The following LRRC3B variants were observed in gnomAD, a reference collection of about 807,000 sequenced individuals.
The protein encoded by LRRC3B is leucine-rich repeat-containing protein 3B.
In LRRC3B, 2 loss-of-function variants were observed where a neutral mutation model predicts 12.8. The observed-to-expected ratio is 0.16, with a 90% CI of 0.06 to 0.49. The LOEUF is 0.49. LRRC3B is among the 20% of genes least tolerant of loss of function. LRRC3B has a pLI of 0.96. For missense variants in LRRC3B, 189 were observed against 319.4 expected (o/e 0.59, Z 3.11); for synonymous variants, 132 against 122.0 (o/e 1.08, Z -0.54).
At chr3:26,682,279 G>GT (rs1033790502) in intron 1 of LRRC3B, among the ~76,000 whole-genome samples, 15 of 151,730 alleles carry the variant, frequency 9.9e-5, no homozygotes, top group East Asian at 3.9e-4. Context: ...AGCTCCTTTT[G>GT]TTTTTTTTAC....
At chr3:26,668,868 G>C (rs1699662697) in intron 1 of LRRC3B, among the ~76,000 whole-genome samples, 1 of 152,112 alleles carries the variant, frequency 6.6e-6, no homozygotes, top group Admixed American at 6.5e-5. Context: ...CCTTCTATAA[G>C]TCTATTTTTA....
intron 1 of LRRC3B, among the ~76,000 whole-genome samples, chr3:26,648,144 A>T (rs1347986087): frequency 6.6e-6 from 1 of 151,800 alleles, no homozygotes; most frequent in Non-Finnish European, 1.5e-5. Context: ...TATTTATAAC[A>T]TTTTCAGGCT....
At chr3:26,705,237 C>T (rs1056432493) in intron 1 of LRRC3B, among the ~76,000 whole-genome samples, 1 of 152,156 alleles carries the variant, frequency 6.6e-6, no homozygotes, top group Non-Finnish European at 1.5e-5. Flanking sequence ...CCAGAATTAA[C>T]TGCTGATGCG....
At chr3:26,708,099 T>C (rs914894715) in intron 1 of LRRC3B, among the ~76,000 whole-genome samples, 1 of 152,242 alleles carries the variant, frequency 6.6e-6, no homozygotes, top group African/African-American at 2.4e-5. Flanking sequence ...TCCCTTTGTA[T>C]TTATCCATCT....
At chr3:26,634,345 C>T (rs988518339) in intron 1 of LRRC3B, among the ~76,000 whole-genome samples, 2 of 152,226 alleles carry the variant, frequency 1.3e-5, no homozygotes, top group South Asian at 2.1e-4. Flanking sequence ...TACCGCCCTA[C>T]GCATGGTTTA....
chr3:26,697,531 T>C (rs1371861154), intron 1 of LRRC3B, among the ~76,000 whole-genome samples: 1 of 152,204 alleles, frequency 6.6e-6, no homozygotes, highest in African/African-American at 2.4e-5. Flanking sequence ...TCTTTTTCCA[T>C]ACAAGGTAAC....
intron 1 of LRRC3B, among the ~76,000 whole-genome samples, chr3:26,706,312 A>G (rs1700585654): frequency 6.6e-6 from 1 of 152,176 alleles, no homozygotes; most frequent in Non-Finnish European, 1.5e-5. Context: ...CACATATTCA[A>G]ACCACAGCAG....
intron 1 of LRRC3B, among the ~76,000 whole-genome samples, chr3:26,688,730 C>T (rs972471455): frequency 4.6e-5 from 7 of 152,140 alleles, no homozygotes; most frequent in African/African-American, 1.7e-4. Context: ...GTTCCAATCA[C>T]CTCCCACCAG....
chr3:26,706,979 T>G (rs1700606102), intron 1 of LRRC3B, among the ~76,000 whole-genome samples: 1 of 152,200 alleles, frequency 6.6e-6, no homozygotes, highest in Non-Finnish European at 1.5e-5. Flanking sequence ...TGCGAAGCAC[T>G]ATGCTGGGTG....
intron 1 of LRRC3B, among the ~76,000 whole-genome samples, chr3:26,671,011 CTTT>C (rs762788262): frequency 1.0e-5 from 1 of 95,546 alleles, no homozygotes; most frequent in Non-Finnish European, 1.9e-5. Flanking sequence ...TCTCATGTAT[CTTT>C]TTTTTTTTTT....
At chr3:26,639,495 AT>A (rs1472205570) in intron 1 of LRRC3B, among the ~76,000 whole-genome samples, 1 of 97,800 alleles carries the variant, frequency 1.0e-5, no homozygotes, top group East Asian at 5.6e-4. Context: ...TTTAAATTAA[AT>A]TTAAATTAAA....
chr3:26,622,954 C>G (rs1698545302), exon 1 of LRRC3B: 1 of 151,688 alleles, frequency 6.6e-6, no homozygotes, highest in Non-Finnish European at 1.5e-5. Flanking sequence ...GCACGGCCGC[C>G]CGGGGCCGCA....
intron 1 of LRRC3B, among the ~76,000 whole-genome samples, chr3:26,640,757 G>T (rs1699013949): frequency 6.6e-6 from 1 of 152,140 alleles, no homozygotes; most frequent in South Asian, 2.1e-4. Flanking sequence ...TGGCATGCTG[G>T]GTGTAGGAAG....
exon 2 of LRRC3B, chr3:26,709,946 G>C: frequency 1.9e-6 from 3 of 1,614,132 alleles, no homozygotes; most frequent in Non-Finnish European, 1.7e-6. Context: ...TCAACTGAGA[G>C]TTCTCAACCT....
chr3:26,664,981 C>T (rs138780300), intron 1 of LRRC3B, among the ~76,000 whole-genome samples: 205 of 151,564 alleles, frequency 1.4e-3, no homozygotes, highest in South Asian at 6.3e-4. Flanking sequence ...ACATTTTCAG[C>T]ATGTTCCTAG....
chr3:26,672,741 T>G lies in LRRC3B; in HGVS notation c.-160-36772T>G, dbSNP rs73150421. 2.4e-3 allele frequency among the ~76,000 whole-genome samples: 360 copies of G among 152,362 alleles called. 1 individual carries two copies. Among genetic ancestry groups the G allele is most frequent in the African/African-American group, 7.9e-3 (327 of 41,578 alleles). ...CTTAAGATTTTTGGATTCAGTATAT[T>G]TCATCTTTTCCTTTTTTGCCCCATT... On this transcript the variant is annotated intron_variant, in intron 1 of 1. Coordinates refer to ENST00000396641, the Ensembl canonical transcript of LRRC3B.
chr3:26,672,752 C>G (rs1474197714), intron 1 of LRRC3B, among the ~76,000 whole-genome samples: 4 of 152,118 alleles, frequency 2.6e-5, no homozygotes, highest in Non-Finnish European at 4.4e-5. Flanking sequence ...TCATCTTTTC[C>G]TTTTTTGCCC....
At chr3:26,685,368 T>C (rs1575160479) in intron 1 of LRRC3B, among the ~76,000 whole-genome samples, 1 of 151,462 alleles carries the variant, frequency 6.6e-6, no homozygotes, top group East Asian at 2.0e-4. Flanking sequence ...CCCTTCAGTC[T>C]CTGCTTGTCA....
intron 1 of LRRC3B, among the ~76,000 whole-genome samples, chr3:26,686,376 G>T (rs1023002749): frequency 1.3e-5 from 2 of 152,184 alleles, no homozygotes; most frequent in African/African-American, 4.8e-5. Flanking sequence ...ACCGCGCCCG[G>T]CCGGTAAATG....
Sources: allele counts gnomAD v4.1 joint callset (sites outside exome capture counted in the v4.1 genomes callset), GRCh38; gene constraint gnomAD v4.1.1; transcripts MANE v1.5; gene names NCBI Gene and HGNC (gene_info 2026-07-23, HGNC 2026-07-21).